Variants in MGAT5 observed in about 807,000 individuals in gnomAD.
MGAT5 encodes alpha-1,6-mannosylglycoprotein 6-beta-N-acetylglucosaminyltransferase.
Under a neutral mutation model 94.3 loss-of-function variants are expected in MGAT5, and 30 were observed. That is an observed-to-expected ratio of 0.32 (90% CI 0.24 to 0.43). The LOEUF (loss-of-function observed/expected upper bound fraction) is 0.43, where lower values mean the gene tolerates loss of function less well. Among genes scored for constraint, MGAT5 ranks in the 20% least tolerant of loss-of-function variants. MGAT5 has a pLI of 1.00. For missense variants in MGAT5, 691 were observed against 905.5 expected (o/e 0.76, Z 3.04); for synonymous variants, 310 against 322.9 (o/e 0.96, Z 0.43).
intron 10 of MGAT5, among the ~76,000 whole-genome samples, chr2:134,376,911 TC>T (rs951859163): frequency 6.6e-6 from 1 of 152,160 alleles, no homozygotes; most frequent in Non-Finnish European, 1.5e-5. Context: ...CCCAGACAAA[TC>T]CTACTCTGCC....
intron 10 of MGAT5, among the ~76,000 whole-genome samples, chr2:134,370,278 A>G (rs1329619281): frequency 6.6e-6 from 1 of 152,256 alleles, no homozygotes; most frequent in Non-Finnish European, 1.5e-5. Flanking sequence ...TTGTAAGTAG[A>G]TTAAACCTTG....
chr2:134,355,238 CT>C (rs1426989734), intron 9 of MGAT5, among the ~76,000 whole-genome samples: 1 of 152,206 alleles, frequency 6.6e-6, no homozygotes, highest in East Asian at 1.9e-4. Flanking sequence ...AAAGGCTCCC[CT>C]AACCCTGGTG....
chr2:134,284,175 G>A (rs928661894), intron 2 of MGAT5, among the ~76,000 whole-genome samples: 5 of 152,128 alleles, frequency 3.3e-5, no homozygotes, highest in Admixed American at 6.6e-5. Flanking sequence ...TTGGTGGATG[G>A]TTCTCCAGAT....
chr2:134,138,265 A>T (rs1006890243), intron 1 of MGAT5, among the ~76,000 whole-genome samples: 2 of 152,054 alleles, frequency 1.3e-5, no homozygotes, highest in African/African-American at 4.8e-5. Flanking sequence ...TTACTCGCTA[A>T]GAGTTAGTGA....
At chr2:134,435,557 A>G (rs534538353) in intron 14 of MGAT5, among the ~76,000 whole-genome samples, 59 of 152,284 alleles carry the variant, frequency 3.9e-4, no homozygotes, top group East Asian at 1.4e-3. Flanking sequence ...TGCAAGCCCT[A>G]TGAAGGCAGG....
intron 10 of MGAT5, among the ~76,000 whole-genome samples, chr2:134,363,246 T>G (rs576991000): frequency 6.6e-6 from 1 of 152,334 alleles, no homozygotes; most frequent in East Asian, 1.9e-4. Context: ...CTCATGTTTC[T>G]TGCTAGCCAA....
At position 134,222,893 on chromosome 2, in the gene MGAT5, T is replaced by C. The variant is rs543075194; in HGVS notation, c.-142-31369T>C. On this transcript the variant is annotated intron_variant, in intron 1 of 16. Transcript: ENST00000409645. ...TTAAAAGACTGACTTATTTTTAACT[T>C]TTTTGTGTTAAGCTACTGTAAGCTT... 2.6e-5 allele frequency among the ~76,000 whole-genome samples: 4 copies of C among 152,332 alleles called. No homozygotes were observed. In the East Asian group the frequency reaches 7.7e-4, roughly 29 times the overall value.
At chr2:134,272,429 C>A (rs987531347) in intron 2 of MGAT5, among the ~76,000 whole-genome samples, 3 of 151,590 alleles carry the variant, frequency 2.0e-5, no homozygotes, top group African/African-American at 7.3e-5. Flanking sequence ...TAATGATTAA[C>A]CTCATTTGCA....
At chr2:134,293,099 C>T (rs1685469275) in intron 2 of MGAT5, among the ~76,000 whole-genome samples, 1 of 152,208 alleles carries the variant, frequency 6.6e-6, no homozygotes, top group African/African-American at 2.4e-5. Flanking sequence ...GAAAGGTAGC[C>T]TATTCTCATT....
intron 2 of MGAT5, among the ~76,000 whole-genome samples, chr2:134,315,935 A>G (rs376238942): frequency 4.6e-5 from 7 of 152,320 alleles, no homozygotes; most frequent in African/African-American, 1.7e-4. Context: ...TTCAAGGGGC[A>G]GGTAAAATCC....
intron 1 of MGAT5, among the ~76,000 whole-genome samples, chr2:134,218,778 C>CT (rs1274540480): frequency 6.6e-6 from 1 of 152,110 alleles, no homozygotes; most frequent in Non-Finnish European, 1.5e-5. Context: ...GCTGTTGAGT[C>CT]TTATTGCAAG....
At chr2:134,427,322 A>T (rs183704368) in intron 13 of MGAT5, among the ~76,000 whole-genome samples, 2 of 152,228 alleles carry the variant, frequency 1.3e-5, no homozygotes, top group African/African-American at 2.4e-5. Flanking sequence ...TTTTCTCTCA[A>T]ATGAAATTTC....
intron 1 of MGAT5, among the ~76,000 whole-genome samples, chr2:134,130,356 C>T (rs568631155): frequency 3.9e-5 from 6 of 152,306 alleles, no homozygotes; most frequent in South Asian, 4.1e-4. Context: ...TGCTCTGCTG[C>T]GCCGGGTCCC....
chr2:134,387,143 C>A (rs979939055), intron 10 of MGAT5, among the ~76,000 whole-genome samples: 1 of 151,258 alleles, frequency 6.6e-6, no homozygotes, highest in Non-Finnish European at 1.5e-5. Flanking sequence ...TGCCTGTAAT[C>A]CCAGCTACTC....
chr2:134,163,883 T>C (rs1045038069), intron 1 of MGAT5, among the ~76,000 whole-genome samples: 1 of 152,196 alleles, frequency 6.6e-6, no homozygotes, highest in African/African-American at 2.4e-5. Flanking sequence ...TCCACTTCTT[T>C]ATAGACCAAT....
chr2:134,203,458 G>A (rs1295147437), intron 1 of MGAT5, among the ~76,000 whole-genome samples: 1 of 152,110 alleles, frequency 6.6e-6, no homozygotes, highest in Non-Finnish European at 1.5e-5. Flanking sequence ...GCTTGGTAAG[G>A]AACATTTCTA....
chr2:134,160,058 G>A (rs903708647), intron 1 of MGAT5, among the ~76,000 whole-genome samples: 2 of 152,136 alleles, frequency 1.3e-5, no homozygotes, highest in African/African-American at 4.8e-5. Context: ...CTGCTGCTGT[G>A]CTTTCCTAGG....
chr2:134,386,054 C>G (rs978525701), intron 10 of MGAT5, among the ~76,000 whole-genome samples: 2 of 152,120 alleles, frequency 1.3e-5, no homozygotes, highest in Non-Finnish European at 1.5e-5. Context: ...GCACTGGGGA[C>G]ATTTTGATCC....
At chr2:134,365,172 C>T (rs1035331251) in intron 10 of MGAT5, among the ~76,000 whole-genome samples, 5 of 152,158 alleles carry the variant, frequency 3.3e-5, no homozygotes, top group Non-Finnish European at 5.9e-5. Flanking sequence ...CTTCCTTCAC[C>T]TCAGATTGTA....
Sources: gnomAD v4.1 joint callset for allele counts (sites outside exome capture counted in the v4.1 genomes callset) on GRCh38, gnomAD v4.1.1 for gene constraint, MANE v1.5 for transcripts, NCBI Gene and HGNC (gene_info 2026-07-23, HGNC 2026-07-21) for gene names.